The following TBPL1 variants were observed in gnomAD, a reference collection of about 807,000 sequenced individuals.
TBPL1 encodes TATA box-binding protein-like 1.
A neutral mutation model predicts 22.1 loss-of-function variants in TBPL1; 4 were observed. The ratio of observed to expected loss-of-function variants is 0.18; its 90% confidence interval spans 0.09 to 0.41. The LOEUF (loss-of-function observed/expected upper bound fraction) is 0.41. Among genes scored for constraint, TBPL1 ranks in the 10% least tolerant of loss-of-function variants. The pLI, the probability that TBPL1 is intolerant of heterozygous loss-of-function variation, is 1.00. For missense variants in TBPL1, 115 were observed against 222.3 expected (o/e 0.52, Z 3.07); for synonymous variants, 64 against 71.0 (o/e 0.90, Z 0.50).
intron 1 of TBPL1, among the ~76,000 whole-genome samples, chr6:133,977,410 G>C (rs867197697): frequency 1.3e-5 from 2 of 152,140 alleles, no homozygotes; most frequent in Middle Eastern, 3.4e-3. Context: ...CATTCACACA[G>C]ATTTTCTTTA....
intron 1 of TBPL1, among the ~76,000 whole-genome samples, chr6:133,968,412 A>T (rs780257061): frequency 6.6e-6 from 1 of 152,216 alleles, no homozygotes; most frequent in Non-Finnish European, 1.5e-5. Context: ...TGAATTTCCA[A>T]ATGTAAGGTT....
intron 1 of TBPL1, among the ~76,000 whole-genome samples, chr6:133,954,179 T>G (rs942465273): frequency 3.3e-5 from 5 of 152,228 alleles, no homozygotes; most frequent in African/African-American, 4.8e-5. Context: ...AGACTCAAAC[T>G]GCAGTCAATC....
intron 2 of TBPL1, among the ~76,000 whole-genome samples, 162 bp downstream of exon 2, chr6:133,980,422 A>G (rs1776388458): frequency 1.3e-5 from 2 of 152,156 alleles, no homozygotes; most frequent in Non-Finnish European, 2.9e-5. Flanking sequence ...CCCTCCTCTC[A>G]TGGAGGTGCA....
intron 1 of TBPL1, among the ~76,000 whole-genome samples, chr6:133,970,198 C>T (rs1776194170): frequency 6.6e-6 from 1 of 152,234 alleles, no homozygotes; most frequent in Non-Finnish European, 1.5e-5. Context: ...TTGAGAACAA[C>T]TACTCTTTTT....
At chr6:133,954,976 A>G (rs1453627655) in intron 1 of TBPL1, among the ~76,000 whole-genome samples, 1 of 152,198 alleles carries the variant, frequency 6.6e-6, no homozygotes, top group East Asian at 1.9e-4. Flanking sequence ...AATTTCATTC[A>G]TGTGTAAAGA....
chr6:133,978,130 T>C (rs943362455), intron 1 of TBPL1, among the ~76,000 whole-genome samples: 1 of 152,098 alleles, frequency 6.6e-6, no homozygotes, highest in Admixed American at 6.6e-5. Context: ...GTGGAATGGA[T>C]GTTGGGGTAA....
Position 133,984,489 on chromosome 6 carries a change from T to G in TBPL1, c.386+10T>G, listed in dbSNP as rs745825251. On this transcript the variant is annotated intron_variant, in intron 5 of 6. Transcript: ENST00000237264. Reference sequence around the variant, plus strand: ...ATAGACCTCATGCCAGGTAAGTCTTTGAAGCAATTTATCTTGAGAAATTAC... The same window carrying G: ...ATAGACCTCATGCCAGGTAAGTCTTGGAAGCAATTTATCTTGAGAAATTAC... The G allele has an allele frequency of 6.2e-7, 1 of 1,613,166 alleles. No homozygotes were observed. Among genetic ancestry groups the G allele is most frequent in the East Asian group, 2.2e-5 (1 of 44,828 alleles).
At chr6:133,976,899 C>T (rs976161039) in intron 1 of TBPL1, among the ~76,000 whole-genome samples, 4 of 149,440 alleles carry the variant, frequency 2.7e-5, no homozygotes, top group East Asian at 2.0e-4. Context: ...ATCCAGGAGG[C>T]GGAGGTTGCC....
intron 1 of TBPL1, among the ~76,000 whole-genome samples, chr6:133,961,441 A>G (rs1174143149): frequency 1.4e-5 from 2 of 142,068 alleles, no homozygotes; most frequent in Non-Finnish European, 3.1e-5. Context: ...ATCCTTTAAG[A>G]TCTCTTTTTA....
chr6:133,969,859 A>G lies in TBPL1; in HGVS notation c.-44-10223A>G, dbSNP rs150351712. Among the ~76,000 whole-genome samples, 1,259 of 152,370 alleles carry G rather than the reference A, an allele frequency of 8.3e-3. 35 individuals carry two copies. The highest frequency in any genetic ancestry group is 0.061 in the Admixed American group (936 of 15,304). ...ATGATAATTTATCTAAACTAACAGA[A>G]TAATTCTAGAATTAAAATGGAAATT... On this transcript the variant is annotated intron_variant, in intron 1 of 6. Transcript: ENST00000237264.
At chr6:133,953,190 A>G (rs1271681719), upstream of TBPL1, 1 of 152,628 alleles carries the variant, frequency 6.6e-6, no homozygotes, top group East Asian at 1.9e-4. Flanking sequence ...CCCAGCGTCT[A>G]GTCTATTTAT....
At chr6:133,959,551 G>A (rs1373191812) in intron 1 of TBPL1, among the ~76,000 whole-genome samples, 1 of 151,684 alleles carries the variant, frequency 6.6e-6, no homozygotes, top group Admixed American at 6.6e-5. Flanking sequence ...GCGCGATCTC[G>A]GCTCACTGCA....
intron 4 of TBPL1, among the ~76,000 whole-genome samples, chr6:133,983,398 T>C (rs761292592): frequency 6.6e-6 from 1 of 152,112 alleles, no homozygotes; most frequent in Non-Finnish European, 1.5e-5. Flanking sequence ...GATGAATAAA[T>C]GAAAGATAAA....
At chr6:133,957,164 G>GT (rs1775941619) in intron 1 of TBPL1, among the ~76,000 whole-genome samples, 1 of 152,060 alleles carries the variant, frequency 6.6e-6, no homozygotes, top group Admixed American at 6.6e-5. Flanking sequence ...CCCATTAAAT[G>GT]TTTTTAAAAA....
At position 133,984,305 on chromosome 6, in the gene TBPL1, T is replaced by G. The variant is rs1204293258; in HGVS notation, c.283-71T>G. ...CTTGTTTGCTCTTGTTTTTAAGGAT[T>G]GCCATTATGAGCAGATTTTTTGTTT... On this transcript the variant is annotated intron_variant, in intron 4 of 6. Coordinates refer to ENST00000237264, the MANE Select transcript of TBPL1 (RefSeq NM_004865.4). 7.1e-6 allele frequency: 8 copies of G among 1,133,088 alleles called. No individual in the cohort carries two copies. In the Admixed American group the frequency reaches 9.1e-5, roughly 13 times the overall value. The allele number at this position is 1,133,088 out of a possible 1,614,324, so 70.2% of individuals were successfully genotyped here. A position where few individuals can be genotyped will look rare whatever the true frequency, so the allele number is the denominator to read the frequency against.
intron 1 of TBPL1, among the ~76,000 whole-genome samples, chr6:133,967,908 C>T (rs1400026015): frequency 3.3e-5 from 5 of 152,118 alleles, no homozygotes; most frequent in Admixed American, 6.5e-5. Flanking sequence ...AATCTTGTTT[C>T]ATGTGCACAG....
At chr6:133,966,087 A>G (rs1270819679) in intron 1 of TBPL1, among the ~76,000 whole-genome samples, 1 of 152,140 alleles carries the variant, frequency 6.6e-6, no homozygotes, top group Non-Finnish European at 1.5e-5. Context: ...ACAGAAAGAA[A>G]CAGAGAGAGA....
At chr6:133,957,546 G>A (rs1019838538) in intron 1 of TBPL1, among the ~76,000 whole-genome samples, 5 of 152,134 alleles carry the variant, frequency 3.3e-5, no homozygotes, top group Admixed American at 6.5e-5. Flanking sequence ...TAACGTTCCC[G>A]CTCCTGATAA....
intron 1 of TBPL1, among the ~76,000 whole-genome samples, chr6:133,969,606 A>G (rs1481414151): frequency 6.6e-6 from 1 of 152,176 alleles, no homozygotes; most frequent in Non-Finnish European, 1.5e-5. Flanking sequence ...TGGAAGATTC[A>G]AGGTTTTTTA....
Sources: gnomAD v4.1 joint callset for allele counts (sites outside exome capture counted in the v4.1 genomes callset) on GRCh38, gnomAD v4.1.1 for gene constraint, MANE v1.5 for transcripts, NCBI Gene and HGNC (gene_info 2026-07-23, HGNC 2026-07-21) for gene names.